Variants in SBF2 observed in about 807,000 individuals in gnomAD.
SBF2 encodes the protein SET binding factor 2.
In SBF2, 112 loss-of-function variants were observed where a neutral mutation model predicts 225.2. The ratio of observed to expected loss-of-function variants is 0.50; its 90% CI spans 0.43 to 0.58. SBF2 has a LOEUF of 0.58. Ranked by LOEUF, SBF2 falls within the 20% of genes least tolerant of loss-of-function variation. The pLI is 0.00. For synonymous variants in SBF2, 763 were observed against 773.3 expected, an observed-to-expected ratio of 0.99 and a Z score of 0.22; for missense variants, 1,996 against 2,206.2, an observed-to-expected ratio of 0.90 and a Z score of 1.91.
At chr11:9,964,881 T>G (rs574894033) in intron 14 of SBF2, among the ~76,000 whole-genome samples, 4 of 152,322 alleles carry the variant, frequency 2.6e-5, no homozygotes, top group Admixed American at 1.3e-4. Flanking sequence ...AGTTTTTTTT[T>G]GCATAAATTT....
intron 33 of SBF2, 136 bp from the exon 34 acceptor site, chr11:9,790,819 T>A: frequency 1.5e-6 from 1 of 675,962 alleles, no homozygotes; most frequent in Non-Finnish European, 2.5e-6. Flanking sequence ...TGTGAAAACC[T>A]TAGAAAATAA....
At chr11:10,002,461 T>C in intron 7 of SBF2, 96 bp downstream of exon 7, 1 of 977,100 alleles carries the variant, frequency 1.0e-6, no homozygotes, top group South Asian at 1.4e-5. Flanking sequence ...AATATCCCTA[T>C]GTGGTTCAAA....
chr11:9,899,923 TA>T (rs940631571), intron 16 of SBF2, among the ~76,000 whole-genome samples: 3 of 152,078 alleles, frequency 2.0e-5, no homozygotes, highest in Non-Finnish European at 4.4e-5. Context: ...GAGAGCTCTT[TA>T]AACTATTCTG....
intron 21 of SBF2, among the ~76,000 whole-genome samples, chr11:9,851,064 AG>A (rs1053217566): frequency 1.4e-5 from 2 of 138,000 alleles, no homozygotes; most frequent in Non-Finnish European, 1.5e-5. Context: ...TGAACCTGGG[AG>A]GGGGAGGTTG....
At chr11:10,154,260 T>C (rs117029320) in intron 2 of SBF2, among the ~76,000 whole-genome samples, 2,158 of 152,234 alleles carry the variant, frequency 0.014, 35 homozygotes, top group South Asian at 0.03. Flanking sequence ...TAAGAAATCC[T>C]TAATTAGTTT....
chr11:10,068,826 G>A (rs1950734342), intron 2 of SBF2, among the ~76,000 whole-genome samples: 1 of 152,018 alleles, frequency 6.6e-6, no homozygotes, highest in Non-Finnish European at 1.5e-5. Context: ...GCTGATGAAT[G>A]AAAATACATA....
intron 2 of SBF2, among the ~76,000 whole-genome samples, chr11:10,164,511 C>T (rs1955871959): frequency 1.3e-5 from 2 of 152,124 alleles, no homozygotes; most frequent in African/African-American, 4.8e-5. Context: ...TAGTCAAAGA[C>T]AGTAGCTGAA....
chr11:10,166,267 T>A (rs1045526329), intron 2 of SBF2, among the ~76,000 whole-genome samples: 1 of 152,196 alleles, frequency 6.6e-6, no homozygotes. Flanking sequence ...CCAGGAAATC[T>A]TTAAGGTGCT....
At chr11:9,785,085 G>T in intron 37 of SBF2, 40 bp downstream of exon 37, 1 of 1,584,228 alleles carries the variant, frequency 6.3e-7, no homozygotes, top group South Asian at 1.1e-5. Context: ...AGGTGCTGTG[G>T]GGAAGTCTTC....
intron 16 of SBF2, among the ~76,000 whole-genome samples, chr11:9,938,009 AGGGTCG>A: frequency 6.6e-6 from 1 of 151,686 alleles, no homozygotes; most frequent in East Asian, 2.0e-4. Flanking sequence ...TTAAATTTTC[AGGGTCG>A]GGCACGGTAG....
intron 1 of SBF2, among the ~76,000 whole-genome samples, chr11:10,258,666 G>C (rs143401984): frequency 6.3e-4 from 96 of 152,302 alleles, no homozygotes; most frequent in African/African-American, 2.2e-3. Flanking sequence ...TCATGGCCAC[G>C]CTGAGGGCCA....
chr11:9,952,852 C>A (rs1478758460), intron 16 of SBF2, among the ~76,000 whole-genome samples: 1 of 152,176 alleles, frequency 6.6e-6, no homozygotes, highest in Non-Finnish European at 1.5e-5. Flanking sequence ...CCACCCTATT[C>A]CTGCAAGAAT....
chr11:10,034,988 C>A (rs1192978854), intron 3 of SBF2, among the ~76,000 whole-genome samples: 1 of 152,104 alleles, frequency 6.6e-6, no homozygotes, highest in Non-Finnish European at 1.5e-5. Context: ...TTTAGGATAA[C>A]AAGCCTTCAA....
In SBF2 at chr11:10,240,275, A is replaced by AAC. The variant is rs528141535; in HGVS notation, c.56-46289_56-46288insGT. 3.7e-4 allele frequency among the ~76,000 whole-genome samples: 55 copies of AAC among 149,716 alleles called. No homozygotes were observed. In the East Asian group the frequency reaches 3.9e-3, roughly 11 times the overall value. ...TTAAAAGAACAAAAAAAAAAAAAAA[A>AAC]CAGGATAACCTGTTAAGGCTGTCTG... is the stretch of plus-strand genomic sequence containing the variant. On this transcript the variant is annotated intron_variant, in intron 1 of 39. Coordinates refer to ENST00000256190, the MANE Select transcript of SBF2 (RefSeq NM_030962.4).
intron 24 of SBF2, 51 bp downstream of exon 24, chr11:9,845,514 T>C: frequency 6.6e-7 from 1 of 1,518,416 alleles, no homozygotes. Context: ...TTACTCCTTT[T>C]GCAATCAATT....
rs565515923 is a variant in SBF2 at position 10,051,716 on chromosome 11, A to G, written c.142-8735T>C. Among the ~76,000 whole-genome samples, 7 of 152,276 alleles carry G rather than the reference A, an allele frequency of 4.6e-5. No individual in the cohort carries two copies. In the South Asian group the frequency reaches 1.4e-3, roughly 32 times the overall value. ...ATTCTCAAATAAAATACAGTAACAT[A>G]GACATAGTCTATGTTACACAGTTTA... is the stretch of plus-strand genomic sequence containing the variant. On this transcript the variant is annotated intron_variant, in intron 2 of 39. Transcript: ENST00000256190.
intron 16 of SBF2, among the ~76,000 whole-genome samples, chr11:9,908,907 T>C (rs1862349997): frequency 6.6e-6 from 1 of 151,394 alleles, no homozygotes; most frequent in Admixed American, 6.6e-5. Context: ...AGGCTGGTCT[T>C]GAACTCCTGA....
chr11:10,173,883 A>C (rs897373028), intron 2 of SBF2, among the ~76,000 whole-genome samples: 13 of 151,298 alleles, frequency 8.6e-5, no homozygotes, highest in African/African-American at 2.9e-4. Context: ...ACTGGGAGGC[A>C]CCCCCCAGCA....
chr11:9,856,318 C>CA (rs1395423869), intron 19 of SBF2, 140 bp downstream of exon 19: 1 of 1,050,156 alleles, frequency 9.5e-7, no homozygotes, highest in Non-Finnish European at 1.5e-6. Context: ...AAAAGCTGAG[C>CA]AAGTCCAAAG....
Sources: allele counts gnomAD v4.1 joint callset (sites outside exome capture counted in the v4.1 genomes callset), GRCh38; gene constraint gnomAD v4.1.1; transcripts MANE v1.5; gene names NCBI Gene and HGNC (gene_info 2026-07-23, HGNC 2026-07-21).